Variants in ATP8A2 observed in about 807,000 individuals in gnomAD.
The protein encoded by ATP8A2 is ATPase phospholipid transporting 8A2, also known as phospholipid-transporting ATPase IB.
Under a neutral mutation model 165.6 loss-of-function variants are expected in ATP8A2, and 100 were observed. That is an observed-to-expected ratio of 0.60 (90% CI 0.51 to 0.71). The LOEUF (loss-of-function observed/expected upper bound fraction) is 0.71. Ranked by LOEUF, ATP8A2 falls within the 30% of genes least tolerant of loss-of-function variation. The pLI is 0.00. For missense variants in ATP8A2, 1,227 were observed against 1,479.5 expected (o/e 0.83, Z 2.80); for synonymous variants, 543 against 548.8 (o/e 0.99, Z 0.15).
chr13:25,430,161 A>C (rs2034566776), intron 1 of ATP8A2, among the ~76,000 whole-genome samples: 1 of 152,288 alleles, frequency 6.6e-6, no homozygotes, highest in South Asian at 2.1e-4. Flanking sequence ...GTAAGCAGCT[A>C]TAAATGTGGG....
intron 33 of ATP8A2, among the ~76,000 whole-genome samples, chr13:25,910,145 C>T (rs1954058664): frequency 6.6e-6 from 1 of 152,144 alleles, no homozygotes; most frequent in South Asian, 2.1e-4. Flanking sequence ...TTGAAATGTG[C>T]CTCACTCTTT....
At chr13:25,565,953 A>AT (rs571349264) in intron 16 of ATP8A2, among the ~76,000 whole-genome samples, 2,179 of 151,700 alleles carry the variant, frequency 0.014, 25 homozygotes, top group Non-Finnish European at 0.024. Flanking sequence ...AATATGATTA[A>AT]TTTTTTTTTC....
At chr13:25,530,228 T>C (rs1008556750) in intron 3 of ATP8A2, 130 bp downstream of exon 3, 3 of 643,078 alleles carry the variant, frequency 4.7e-6, no homozygotes, top group Non-Finnish European at 8.1e-6. Flanking sequence ...TAGTCATTGT[T>C]TGATAGAGTG....
At chr13:25,473,956 A>G (rs1440350626) in intron 2 of ATP8A2, among the ~76,000 whole-genome samples, 1 of 152,230 alleles carries the variant, frequency 6.6e-6, no homozygotes, top group Non-Finnish European at 1.5e-5. Context: ...ACTATCAGAC[A>G]TATGTAATCT....
intron 1 of ATP8A2, among the ~76,000 whole-genome samples, chr13:25,431,747 A>T (rs974175516): frequency 6.6e-6 from 1 of 152,178 alleles, no homozygotes; most frequent in Non-Finnish European, 1.5e-5. Flanking sequence ...ATAGGAATTA[A>T]TTTTTTTGTT....
chr13:25,382,065 C>T (rs1356543352), intron 1 of ATP8A2, among the ~76,000 whole-genome samples: 7 of 152,156 alleles, frequency 4.6e-5, no homozygotes, highest in African/African-American at 1.7e-4. Flanking sequence ...CTAAAAATCC[C>T]CTGTGCTCCA....
chr13:25,860,946 G>A (rs1952331054), intron 32 of ATP8A2, 86 bp downstream of exon 32: 1 of 867,478 alleles, frequency 1.2e-6, no homozygotes, highest in Non-Finnish European at 1.9e-6. Context: ...GAAACCATAA[G>A]CAATATCTGG....
At chr13:25,982,792 C>A (rs1371587490) in intron 35 of ATP8A2, among the ~76,000 whole-genome samples, 1 of 152,208 alleles carries the variant, frequency 6.6e-6, no homozygotes, top group Non-Finnish European at 1.5e-5. Context: ...CTACAAAGTG[C>A]ACCATTTGAT....
Position 25,774,829 on chromosome 13 carries a change from T to C in ATP8A2, c.2569-20T>C, listed in dbSNP as rs745747038. ...CCTCAATGATGGGCTCTTCTGAGCT[T>C]TGTAATTTTCCTTTTTCAGTTTTCC... On this transcript the variant is annotated intron_variant, in intron 26 of 36. Transcript: ENST00000381655. 6.4e-5 allele frequency: 93 copies of C among 1,452,298 alleles called. 1 individual carries two copies. The South Asian group carries it at 1.1e-3, about 16-fold the overall frequency. 90.0% of individuals were successfully genotyped at this position (1,452,298 alleles called of 1,614,324 possible).
intron 21 of ATP8A2, 40 bp downstream of exon 21, chr13:25,578,939 C>T (rs907262964): frequency 3.1e-6 from 4 of 1,308,242 alleles, no homozygotes; most frequent in Non-Finnish European, 4.4e-6. Flanking sequence ...GCCATTGGAG[C>T]TGTACTTTCA....
chr13:25,614,268 G>C (rs1164017489), intron 24 of ATP8A2, among the ~76,000 whole-genome samples: 1 of 151,986 alleles, frequency 6.6e-6, no homozygotes, highest in Non-Finnish European at 1.5e-5. Flanking sequence ...TTGTCTTCAA[G>C]CTCTGAAGTT....
chr13:25,583,647 G>A (rs2039838458), intron 23 of ATP8A2, among the ~76,000 whole-genome samples: 1 of 152,106 alleles, frequency 6.6e-6, no homozygotes, highest in African/African-American at 2.4e-5. Context: ...AGCCTATCTA[G>A]CTAAGTTTGG....
At chr13:25,625,078 G>A (rs189802248) in intron 24 of ATP8A2, among the ~76,000 whole-genome samples, 10 of 152,224 alleles carry the variant, frequency 6.6e-5, no homozygotes. Context: ...AGCAAGAATA[G>A]GCAACAAGAA....
chr13:25,839,830 T>C (rs1951713641), intron 30 of ATP8A2, among the ~76,000 whole-genome samples: 1 of 152,222 alleles, frequency 6.6e-6, no homozygotes, highest in Admixed American at 6.5e-5. Context: ...GAACCCATTT[T>C]CTTTCCAGTT....
intron 15 of ATP8A2, among the ~76,000 whole-genome samples, chr13:25,563,425 A>G (rs1010163162): frequency 3.3e-5 from 5 of 151,742 alleles, no homozygotes; most frequent in African/African-American, 1.2e-4. Flanking sequence ...AAAAAATTTC[A>G]GGAGGGAGTG....
intron 1 of ATP8A2, among the ~76,000 whole-genome samples, chr13:25,459,295 C>T (rs2035443319): frequency 6.6e-6 from 1 of 152,218 alleles, no homozygotes; most frequent in Non-Finnish European, 1.5e-5. Context: ...GCTTTCTATA[C>T]AGGATGATGC....
At chr13:25,606,602 T>G (rs892770920) in intron 24 of ATP8A2, among the ~76,000 whole-genome samples, 2 of 152,248 alleles carry the variant, frequency 1.3e-5, no homozygotes, top group African/African-American at 4.8e-5. Context: ...CTGAGCATAT[T>G]CATTTCGTTA....
At chr13:25,547,272 AC>A (rs1353463994) in intron 10 of ATP8A2, among the ~76,000 whole-genome samples, 1 of 152,034 alleles carries the variant, frequency 6.6e-6, no homozygotes, top group Non-Finnish European at 1.5e-5. Flanking sequence ...GCTGTGAAGA[AC>A]CAGGCCCTAC....
chr13:25,726,222 G>A lies in ATP8A2; in HGVS notation c.2384+26877G>A, dbSNP rs182007955. Among the ~76,000 whole-genome samples the A allele has an allele frequency of 3.7e-4, 56 of 152,324 alleles. No individual in the cohort carries two copies. The East Asian group carries it at 0.011, about 29-fold the overall frequency. On this transcript the variant is annotated intron_variant, in intron 25 of 36. Coordinates refer to ENST00000381655, the MANE Select transcript of ATP8A2 (RefSeq NM_016529.6). ...CAAGTACCTGAACTAGGGTACCCTT[G>A]CTGAGAAGGTAGTAAAGTGTGGCTA...
Sources: gnomAD v4.1 joint callset for allele counts (sites outside exome capture counted in the v4.1 genomes callset) on GRCh38, gnomAD v4.1.1 for gene constraint, MANE v1.5 for transcripts, NCBI Gene and HGNC (gene_info 2026-07-23, HGNC 2026-07-21) for gene names.